The following TSPAN32 variants were observed in gnomAD, a reference collection of about 807,000 sequenced individuals.
The protein encoded by TSPAN32 is tetraspanin-32.
TSPAN32 carries 47 observed loss-of-function variants against 42.7 expected under a neutral mutation model. The ratio of observed to expected loss-of-function variants is 1.10; its 90% CI spans 0.87 to 1.40. The LOEUF (loss-of-function observed/expected upper bound fraction) is 1.40. Ranked by LOEUF, TSPAN32 falls within the 40% of genes most tolerant of loss-of-function variation. The probability of loss-of-function intolerance (pLI) is 0.00; values close to 1 mark genes in which losing one functional copy is unlikely to be tolerated. For missense variants in TSPAN32, 469 were observed against 424.1 expected, an observed-to-expected ratio of 1.11 and a Z score of -0.93; for synonymous variants, 175 against 175.9, an observed-to-expected ratio of 0.99 and a Z score of 0.04.
intron 6 of TSPAN32, 147 bp from the exon 7 acceptor site, chr11:2,316,082 G>T: frequency 2.0e-6 from 3 of 1,532,292 alleles, no homozygotes; most frequent in South Asian, 1.2e-5. Context: ...GAGCCCTGGG[G>T]GCTTCCTAGG....
Position 2,316,261 on chromosome 11 carries a change from G to T in TSPAN32, c.576G>T (p.Arg192Ser), listed in dbSNP as rs1378340174. Residue 192 changes from arginine (R) to serine (S), a missense_variant, in exon 7 of 10, where the codon AGG becomes AGT. By Grantham distance (110) the Arg-to-Ser change is moderately radical (BLOSUM62 -1). Transcript: ENST00000182290. Reference sequence around the variant, plus strand: ...TTCAGGGCATCCGGAGCTTCCTGAGGACACACCAGCAGGTCGCCTCCAGCC... The same window carrying T: ...TTCAGGGCATCCGGAGCTTCCTGAGTACACACCAGCAGGTCGCCTCCAGCC... Reference protein sequence around the residue: ...DCLQGIRSFLRTHQQVASSLT... With the variant: ...DCLQGIRSFLSTHQQVASSLT... 3 of 1,603,210 alleles carry T rather than the reference G, an allele frequency of 1.9e-6. No individual in the cohort carries two copies. The highest frequency in any genetic ancestry group is 4.5e-5 in the East Asian group (2 of 44,526).
chr11:2,310,884 C>A (rs538345207), intron 4 of TSPAN32, among the ~76,000 whole-genome samples: 2 of 151,998 alleles, frequency 1.3e-5, no homozygotes, highest in Admixed American at 6.5e-5. Flanking sequence ...GCAGGAGGGG[C>A]GGCTGCACAT....
At chr11:2,308,086 A>C (rs1848218625) in intron 3 of TSPAN32, among the ~76,000 whole-genome samples, 2 of 152,132 alleles carry the variant, frequency 1.3e-5, no homozygotes, top group African/African-American at 2.4e-5. Flanking sequence ...AGAGGTCTCC[A>C]TCTTCTCAGG....
At chr11:2,314,449 G>T (rs768034740) in intron 5 of TSPAN32, 36 bp from the exon 6 acceptor site, 1 of 1,562,186 alleles carries the variant, frequency 6.4e-7, no homozygotes, top group Admixed American at 1.8e-5. Flanking sequence ...GGGGTCTCGG[G>T]AGCACATCAC....
chr11:2,310,855 G>A (rs1399186723), intron 4 of TSPAN32, among the ~76,000 whole-genome samples: 2 of 152,148 alleles, frequency 1.3e-5, no homozygotes, highest in Admixed American at 1.3e-4. Flanking sequence ...TGGCTTTGGT[G>A]CCAGGGCCCG....
At chr11:2,310,391 C>A (rs1374318994) in intron 4 of TSPAN32, among the ~76,000 whole-genome samples, 2 of 152,206 alleles carry the variant, frequency 1.3e-5, no homozygotes, top group African/African-American at 4.8e-5. Flanking sequence ...CCTGTCCCAG[C>A]CCCAGGCAGC....
chr11:2,315,241 C>G, intron 6 of TSPAN32: 1 of 1,201,102 alleles, frequency 8.3e-7, no homozygotes, highest in African/African-American at 1.7e-5. Flanking sequence ...CACCCTATCT[C>G]ACAGTGGGAG....
intron 4 of TSPAN32, chr11:2,309,573 G>A: frequency 3.1e-6 from 1 of 318,406 alleles, no homozygotes; most frequent in South Asian, 2.4e-5. Flanking sequence ...CATGGAGTGG[G>A]GCAGGAGAGC....
chr11:2,317,379 T>A lies in TSPAN32; in HGVS notation c.755T>A (p.Leu252Ter). 1.3e-6 allele frequency: 2 copies of A among 1,595,604 alleles called. No individual in the cohort carries two copies. The highest frequency in any genetic ancestry group is 1.7e-6 in the Non-Finnish European group (2 of 1,169,936). Residue 252 changes from leucine to a stop codon, truncating the protein, a stop_gained, in exon 9 of 10, where the codon TTG becomes TAG. Transcript: ENST00000182290. LOFTEE classifies it high-confidence loss of function. The surrounding 1 kb of genome is among the most constrained non-coding windows in gnomAD (Gnocchi z 6.2). The stretch of plus-strand genomic sequence containing the variant: ...CGCCAGCCCCAGGAGCCCAGCCTCT[T>A]GAGATGCTCCCAGGGTGGACCCACA... The part of the protein sequence containing the change: ...CGRQPQEPSL[L>*]RCSQGGPTHC...
intron 4 of TSPAN32, among the ~76,000 whole-genome samples, chr11:2,311,464 A>G (rs80120162): frequency 0.13 from 19,156 of 152,132 alleles, 2,235 homozygotes; most frequent in African/African-American, 0.31. Flanking sequence ...ATTCATGCTC[A>G]AATTAAGTAC....
At chr11:2,315,187 G>C (rs1337261095) in intron 6 of TSPAN32, 136 of 718,736 alleles carry the variant, frequency 1.9e-4, no homozygotes, top group East Asian at 2.5e-4. Context: ...CCCCCTCCCT[G>C]CTCCCCTCCC....
chr11:2,306,571 AAGAG>A (rs1190201771), intron 3 of TSPAN32, among the ~76,000 whole-genome samples: 1 of 147,762 alleles, frequency 6.8e-6, no homozygotes, highest in Non-Finnish European at 1.5e-5. Flanking sequence ...GAAAGAGAGA[AAGAG>A]AGAGAGAGGC....
At chr11:2,307,753 G>A (rs375363656) in intron 3 of TSPAN32, among the ~76,000 whole-genome samples, 272 of 152,256 alleles carry the variant, frequency 1.8e-3, no homozygotes, top group Non-Finnish European at 3.3e-3. Context: ...ACCAGAGAAC[G>A]CCCCACTCCA....
chr11:2,315,253 C>T (rs1162890245), intron 6 of TSPAN32: 4 of 1,198,606 alleles, frequency 3.3e-6, no homozygotes, highest in Admixed American at 3.6e-5. Context: ...CAGTGGGAGG[C>T]ACCTGGCGAC....
At chr11:2,306,354 C>T (rs1208439487) in intron 3 of TSPAN32, among the ~76,000 whole-genome samples, 3 of 152,060 alleles carry the variant, frequency 2.0e-5, no homozygotes, top group African/African-American at 7.2e-5. Flanking sequence ...GAGCTGGCAG[C>T]GCCGCCCAAG....
Position 2,304,152 on chromosome 11 carries a change from C to A in TSPAN32, c.227C>A (p.Ala76Asp). 6.3e-7 allele frequency: 1 copy of A among 1,589,724 alleles called. No homozygotes were observed. Among genetic ancestry groups the A allele is most frequent in the Non-Finnish European group, 8.6e-7 (1 of 1,168,280 alleles). Residue 76 changes from alanine (A) to aspartate (D), a missense_variant, in exon 3 of 10, where the codon GCC (alanine) becomes GAC (aspartate). Physicochemically the swap from Ala to Asp is moderately radical, Grantham distance 126. Coordinates refer to ENST00000182290, the MANE Select transcript of TSPAN32 (RefSeq NM_139022.3). The surrounding 1 kb of genome is among the most constrained non-coding windows in gnomAD (Gnocchi z 4.8). ...LSLVGLLTLG[A>D]VLSAAATVRE... Reference sequence around the variant, plus strand: ...CTGGTGGGCCTCCTGACTCTGGGAGCCGTGCTGAGCGCTGCAGCCACCGTG... The same window carrying A: ...CTGGTGGGCCTCCTGACTCTGGGAGACGTGCTGAGCGCTGCAGCCACCGTG...
Position 2,317,346 on chromosome 11 carries a change from C to T in TSPAN32, c.722C>T (p.Ala241Val), listed in dbSNP as rs756317638. Residue 241 changes from alanine to valine, a missense_variant and splice_region_variant, in exon 9 of 10, where the codon GCA (alanine) becomes GTA (valine). By Grantham distance (64) the Ala-to-Val change is moderately conservative. Transcript: ENST00000182290. The surrounding 1 kb of genome is among the most constrained non-coding windows in gnomAD (Gnocchi z 6.2). ...CCCATGATCCCCTTGCTCCTCAGAG[C>T]ATGTGGCCGCCAGCCCCAGGAGCCC... ...RKGKYTLTPRACGRQPQEPSL... is the reference protein window; with the variant it reads ...RKGKYTLTPRVCGRQPQEPSL... The T allele has an allele frequency of 8.9e-5, 141 of 1,587,252 alleles. No homozygotes were observed. The highest frequency in any genetic ancestry group is 1.1e-4 in the Non-Finnish European group (134 of 1,167,064).
chr11:2,312,597 A>C (rs1433235075), intron 4 of TSPAN32, among the ~76,000 whole-genome samples: 2 of 152,082 alleles, frequency 1.3e-5, no homozygotes, highest in Non-Finnish European at 2.9e-5. Context: ...GCTGACCGAG[A>C]GCCTCCACTG....
chr11:2,316,406 T>C (rs1263934358), intron 7 of TSPAN32, 94 bp downstream of exon 7: 5 of 1,544,024 alleles, frequency 3.2e-6, no homozygotes, highest in Non-Finnish European at 4.3e-6. Context: ...CGGGACAGGA[T>C]CTCTGGTCTT....
Sources: allele counts gnomAD v4.1 joint callset (sites outside exome capture counted in the v4.1 genomes callset), GRCh38; gene constraint gnomAD v4.1.1; non-coding constraint Gnocchi (gnomAD v3.1); transcripts MANE v1.5; gene names NCBI Gene and HGNC (gene_info 2026-07-23, HGNC 2026-07-21).